ZNF248: variants seen among roughly 807,000 people sequenced by gnomAD.
ZNF248 encodes the protein KRAB protein domain.
ZNF248 carries 20 observed loss-of-function variants against 44.3 expected under a neutral mutation model. The ratio of observed to expected loss-of-function variants is 0.45; its 90% confidence interval spans 0.32 to 0.66. The LOEUF is 0.66. Among genes scored for constraint, ZNF248 ranks in the 30% least tolerant of loss-of-function variants. ZNF248 has a pLI of 0.04. For synonymous variants in ZNF248, 224 were observed against 229.0 expected (o/e 0.98, Z 0.20); for missense variants, 654 against 677.0 (o/e 0.97, Z 0.38).
In ZNF248 at chr10:37,831,870, A is replaced by C; in HGVS notation, c.1485T>G (p.Asn495Lys). 6.2e-7 allele frequency: 1 copy of C among 1,613,944 alleles called. No homozygotes were observed. Among genetic ancestry groups the C allele is most frequent in the African/African-American group, 1.3e-5 (1 of 74,978 alleles). Residue 495 changes from asparagine to lysine, a missense_variant, in exon 6 of 6, where the codon AAT becomes AAG. Transcript: ENST00000395867. ...TCACACAGAAGGATTTTCCACATTC[A>C]TTACATATAAACGGTTTCTCCCCTG... ...THTGEKPFICNECGKSFCVKS... is the reference protein window; with the variant it reads ...THTGEKPFICKECGKSFCVKS...
chr10:37,819,758 C>T (rs2133593772), intron 6 of ZNF248: 1 of 782,018 alleles, frequency 1.3e-6, no homozygotes, highest in Non-Finnish European at 2.4e-6. Flanking sequence ...TCCATTGGTC[C>T]TGCTTTTCCA....
At chr10:37,780,193 A>G (rs2047115397) in intron 6 of ZNF248, among the ~76,000 whole-genome samples, 1 of 151,744 alleles carries the variant, frequency 6.6e-6, no homozygotes, top group Admixed American at 6.6e-5. Context: ...ACCAAAAAGG[A>G]GCCCGCATCG....
intron 6 of ZNF248, among the ~76,000 whole-genome samples, chr10:37,784,945 A>G (rs146167516): frequency 1.9e-4 from 29 of 152,318 alleles, no homozygotes; most frequent in African/African-American, 6.0e-4. Context: ...AGATCAAGTT[A>G]TTATACAATT....
At chr10:37,817,602 G>T (rs1402580191) in intron 6 of ZNF248, among the ~76,000 whole-genome samples, 1 of 152,072 alleles carries the variant, frequency 6.6e-6, no homozygotes, top group South Asian at 2.1e-4. Context: ...AGCTGCATCT[G>T]ATTGGAATGA....
rs78194836 is a variant in ZNF248 at position 37,839,869 on chromosome 10, C to T, written c.16-1758G>A. On this transcript the variant is annotated intron_variant, in intron 3 of 5. Coordinates refer to ENST00000395867, the MANE Select transcript of ZNF248 (RefSeq NM_021045.3). ...ACTTCATCCCAAACAATAAAATACA[C>T]ATTCTATCCTTCTGTTCGTGTTCAC... Among the ~76,000 whole-genome samples, 928 of 152,286 alleles carry T rather than the reference C, an allele frequency of 6.1e-3. 10 individuals carry two copies. Among genetic ancestry groups the T allele is most frequent in the African/African-American group, 0.021 (887 of 41,566 alleles).
intron 6 of ZNF248, among the ~76,000 whole-genome samples, chr10:37,811,182 A>T (rs1259520747): frequency 6.6e-6 from 1 of 152,228 alleles, no homozygotes; most frequent in Non-Finnish European, 1.5e-5. Flanking sequence ...TGAGGTGTGC[A>T]GCTGTGGTTA....
At chr10:37,776,312 T>C, downstream of ZNF248, 1 of 340,432 alleles carries the variant, frequency 2.9e-6, no homozygotes. Flanking sequence ...TGAGACGTGG[T>C]CCAAACCTTT....
chr10:37,795,350 T>C (rs2049027963), intron 6 of ZNF248: 1 of 152,208 alleles, frequency 6.6e-6, no homozygotes, highest in African/African-American at 2.4e-5. Flanking sequence ...TTTGATATAA[T>C]TTTTTTGACA....
chr10:37,766,869 AC>A, the ZNF248 span, among the ~76,000 whole-genome samples: 1 of 151,982 alleles, frequency 6.6e-6, no homozygotes, highest in African/African-American at 2.4e-5. Context: ...GAAGTTAAAA[AC>A]TGTGAAAAAA....
intron 6 of ZNF248, chr10:37,819,071 G>A (rs1377462168): frequency 1.5e-5 from 12 of 794,284 alleles, no homozygotes; most frequent in South Asian, 2.7e-5. Context: ...CATGATCTTC[G>A]AAAGACCAAG....
intron 3 of ZNF248, among the ~76,000 whole-genome samples, chr10:37,842,129 G>C (rs890205344): frequency 6.6e-6 from 1 of 152,040 alleles, no homozygotes; most frequent in African/African-American, 2.4e-5. Context: ...GTCTATGGGA[G>C]GTATATGGAA....
intron 6 of ZNF248, among the ~76,000 whole-genome samples, chr10:37,805,022 T>G (rs1408438227): frequency 6.6e-6 from 1 of 152,216 alleles, no homozygotes; most frequent in Non-Finnish European, 1.5e-5. Flanking sequence ...ATATAGTTAC[T>G]AAGTTGTATT....
Position 37,832,099 on chromosome 10 carries a change from T to C in ZNF248, c.1256A>G (p.Gln419Arg), listed in dbSNP as rs752550774. Residue 419 changes from glutamine (Q) to arginine (R), a missense_variant, in exon 6 of 6, where the codon CAG becomes CGG. By Grantham distance (43) the Gln-to-Arg change is conservative. Coordinates refer to ENST00000395867, the MANE Select transcript of ZNF248 (RefSeq NM_021045.3). ...CTGATGGTTGGTCAGGTGTGGTTTC[T>C]GGCAAAAGGCTTTCCCACATTCAGT... ...ECTECGKAFC[Q>R]KPHLTNHQRT... 1 of 1,613,988 alleles carries C rather than the reference T, an allele frequency of 6.2e-7. No individual in the cohort carries two copies. The highest frequency in any genetic ancestry group is 1.1e-5 in the South Asian group (1 of 91,068).
chr10:37,823,584 T>G (rs529665367), intron 6 of ZNF248, among the ~76,000 whole-genome samples: 1 of 151,972 alleles, frequency 6.6e-6, no homozygotes, highest in Non-Finnish European at 1.5e-5. Context: ...ATTTTTTGGT[T>G]GTTTTTTGAG....
chr10:37,814,428 A>G (rs1387917009), intron 6 of ZNF248, among the ~76,000 whole-genome samples: 3 of 152,256 alleles, frequency 2.0e-5, no homozygotes, highest in Non-Finnish European at 2.9e-5. Context: ...CCAAAGTTAC[A>G]GTAATACATC....
At chr10:37,834,986 A>T (rs759556948) in intron 5 of ZNF248, among the ~76,000 whole-genome samples, 1 of 152,204 alleles carries the variant, frequency 6.6e-6, no homozygotes, top group Non-Finnish European at 1.5e-5. Flanking sequence ...CCCTTGCTGC[A>T]ATCTATTGAA....
downstream of ZNF248, among the ~76,000 whole-genome samples, chr10:37,827,602 G>T (rs1241840326): frequency 7.9e-5 from 12 of 152,180 alleles, no homozygotes; most frequent in Non-Finnish European, 1.5e-5. Flanking sequence ...TCAGATAAAG[G>T]GAGGAGGTTG....
the ZNF248 span, among the ~76,000 whole-genome samples, chr10:37,758,937 C>A: frequency 5.3e-5 from 8 of 152,154 alleles, no homozygotes; most frequent in African/African-American, 1.9e-4. Context: ...ACATCTTATT[C>A]TTTATCTCTC....
chr10:37,813,038 AAAG>A (rs2051802382), intron 6 of ZNF248, among the ~76,000 whole-genome samples: 1 of 152,202 alleles, frequency 6.6e-6, no homozygotes, highest in Admixed American at 6.5e-5. Context: ...AAAAAAAAAA[AAAG>A]GTGGTGGAAG....
Sources: gnomAD v4.1 joint callset for allele counts (sites outside exome capture counted in the v4.1 genomes callset) on GRCh38, gnomAD v4.1.1 for gene constraint, MANE v1.5 for transcripts, NCBI Gene and HGNC (gene_info 2026-07-23, HGNC 2026-07-21) for gene names.